KLF5: variants seen among roughly 807,000 people sequenced by gnomAD.
KLF5 encodes Krueppel-like factor 5.
A neutral mutation model predicts 36.9 loss-of-function variants in KLF5; 9 were observed. That is an observed-to-expected ratio of 0.24 (90% CI 0.15 to 0.43). The LOEUF is 0.43. Ranked by LOEUF, KLF5 falls within the 20% of genes least tolerant of loss-of-function variation. The pLI is 1.00. For synonymous variants in KLF5, 246 were observed against 241.7 expected (o/e 1.02, Z -0.17); for missense variants, 524 against 599.5 (o/e 0.87, Z 1.31).
chr13:73,063,809 T>TC lies in KLF5; in HGVS notation c.1136-14dup, dbSNP rs762157745. The TC allele has an allele frequency of 2.8e-5, 44 of 1,573,906 alleles. No individual in the cohort carries two copies. Among genetic ancestry groups the TC allele is most frequent in the Non-Finnish European group, 3.7e-5 (42 of 1,144,382 alleles). ...AAGGATCTCCAAAATGACATGCTGT[T>TC]CTCCTTTATTTTAGGTTGCACAAAA... On this transcript the variant is annotated splice_polypyrimidine_tract_variant and intron_variant, in intron 2 of 3. Transcript: ENST00000377687.
At chr13:73,074,216 T>C (rs374693466) in intron 3 of KLF5, among the ~76,000 whole-genome samples, 1 of 152,192 alleles carries the variant, frequency 6.6e-6, no homozygotes, top group Non-Finnish European at 1.5e-5. Context: ...CCACAAATTG[T>C]AGAAATCTCA....
At chr13:73,061,418 T>TA (rs140948873) in intron 1 of KLF5, among the ~76,000 whole-genome samples, 157 of 152,180 alleles carry the variant, frequency 1.0e-3, no homozygotes, top group African/African-American at 3.2e-3. Flanking sequence ...TTTTTTCTAT[T>TA]AAAAAAAACC....
rs574689838 is a variant in KLF5 at position 73,075,818 on chromosome 13, G to A, written c.1306G>A (p.Gly436Arg). 19 of 1,612,578 alleles carry A rather than the reference G, an allele frequency of 1.2e-5. No individual in the cohort carries two copies. The highest frequency in any genetic ancestry group is 8.0e-5 in the African/African-American group (6 of 74,998). ...CACAGGCGCCAAGCCCTTCCAGTGC[G>A]GGGTGTGCAACCGCAGCTTCTCGCG... ...KHTGAKPFQCGVCNRSFSRSD... is the reference protein window; with the variant it reads ...KHTGAKPFQCRVCNRSFSRSD... Residue 436 changes from glycine (G) to arginine (R), a missense_variant, in exon 4 of 4, where the codon GGG (glycine) becomes AGG (arginine). By Grantham distance (125) the Gly-to-Arg change is moderately radical (BLOSUM62 -2). This residue lies in a region of KLF5 where 20 missense variants were observed against 16.1 expected (regional missense o/e 1.24). Transcript: ENST00000377687.
intron 3 of KLF5, among the ~76,000 whole-genome samples, chr13:73,068,508 A>G (rs1483935672): frequency 6.6e-6 from 1 of 152,044 alleles, no homozygotes; most frequent in Non-Finnish European, 1.5e-5. Context: ...GTTCGAGACC[A>G]GCCTGGCCAA....
At chr13:73,065,156 G>GGGTT (rs2044670305) in intron 3 of KLF5, among the ~76,000 whole-genome samples, 1 of 152,158 alleles carries the variant, frequency 6.6e-6, no homozygotes, top group Non-Finnish European at 1.5e-5. Context: ...TCCTTTGAAT[G>GGGTT]GGTTGTTGGA....
At chr13:73,062,930 T>C (rs932334283) in intron 2 of KLF5, among the ~76,000 whole-genome samples, 196 bp downstream of exon 2, 1 of 152,082 alleles carries the variant, frequency 6.6e-6, no homozygotes, top group Non-Finnish European at 1.5e-5. Context: ...GTGCTTTAAC[T>C]TTGGTATGTA....
Position 73,069,071 on chromosome 13 carries a change from G to A in KLF5, c.1195+5188G>A, listed in dbSNP as rs144716765. On this transcript the variant is annotated intron_variant, in intron 3 of 3. Transcript: ENST00000377687. ...AGATCATGCCACCACACTCCAGCCCGGACAACAGAGCAAGACTCCATCTGA... is the reference window on the plus strand; with the variant it reads ...AGATCATGCCACCACACTCCAGCCCAGACAACAGAGCAAGACTCCATCTGA... Among the ~76,000 whole-genome samples the A allele has an allele frequency of 6.0e-3, 914 of 151,998 alleles. 7 individuals carry two copies. The highest frequency in any genetic ancestry group is 0.021 in the African/African-American group (881 of 41,444).
chr13:73,069,631 G>A (rs2044708244), intron 3 of KLF5, among the ~76,000 whole-genome samples: 1 of 152,064 alleles, frequency 6.6e-6, no homozygotes, highest in Non-Finnish European at 1.5e-5. Context: ...GAGCATGAAA[G>A]CTTAGAAGCA....
chr13:73,068,992 A>T (rs2139113306), intron 3 of KLF5, among the ~76,000 whole-genome samples: 1 of 152,246 alleles, frequency 6.6e-6, no homozygotes, highest in Admixed American at 6.5e-5. Context: ...GCTACTTGGG[A>T]GCCTGATGCA....
intron 3 of KLF5, among the ~76,000 whole-genome samples, chr13:73,069,692 GTTCT>G (rs2044708828): frequency 6.6e-6 from 1 of 152,040 alleles, no homozygotes; most frequent in African/African-American, 2.4e-5. Context: ...TCTAGGACTT[GTTCT>G]TTCTTCTGAG....
chr13:73,063,820 T>G lies in KLF5; in HGVS notation c.1136-4T>G, dbSNP rs772660580. 1 of 1,594,176 alleles carries G rather than the reference T, an allele frequency of 6.3e-7. No individual in the cohort carries two copies. Among genetic ancestry groups the G allele is most frequent in the East Asian group, 2.2e-5 (1 of 44,726 alleles). ...AAATGACATGCTGTTCTCCTTTATT[T>G]TAGGTTGCACAAAAGTTTATACCAA... On this transcript the variant is annotated splice_polypyrimidine_tract_variant and splice_region_variant and intron_variant, in intron 2 of 3. Transcript: ENST00000377687.
At chr13:73,069,765 G>A (rs2044709256) in intron 3 of KLF5, among the ~76,000 whole-genome samples, 2 of 152,152 alleles carry the variant, frequency 1.3e-5, no homozygotes, top group South Asian at 2.1e-4. Context: ...CTTATCAAAA[G>A]TTAAGTATAA....
At chr13:73,072,415 G>A (rs2044728623) in intron 3 of KLF5, among the ~76,000 whole-genome samples, 1 of 152,208 alleles carries the variant, frequency 6.6e-6, no homozygotes, top group Non-Finnish European at 1.5e-5. Flanking sequence ...GCACTGCCAG[G>A]TTGTGCTCTC....
chr13:73,075,940 C>A lies in KLF5; in HGVS notation c.*54C>A. On this transcript the variant is annotated 3_prime_UTR_variant, in exon 4 of 4. Transcript: ENST00000377687. Reference sequence around the variant, plus strand: ...CCCTGGGCTCCCTCAAATGACAGACCTAACTATTCCTGTGTAAAAACAACA... The same window carrying A: ...CCCTGGGCTCCCTCAAATGACAGACATAACTATTCCTGTGTAAAAACAACA... 3 of 1,358,906 alleles carry A rather than the reference C, an allele frequency of 2.2e-6. No homozygotes were observed. Among genetic ancestry groups the A allele is most frequent in the Non-Finnish European group, 2.9e-6 (3 of 1,025,764 alleles). 84.2% of individuals were successfully genotyped at this position (1,358,906 alleles called of 1,614,324 possible).
At chr13:73,066,444 G>A (rs552781630) in intron 3 of KLF5, among the ~76,000 whole-genome samples, 2 of 151,768 alleles carry the variant, frequency 1.3e-5, no homozygotes, top group Admixed American at 1.3e-4. Flanking sequence ...CTCTCGGACC[G>A]TTGATCAGAG....
At chr13:73,066,121 A>C (rs974301148) in intron 3 of KLF5, among the ~76,000 whole-genome samples, 1 of 152,188 alleles carries the variant, frequency 6.6e-6, no homozygotes, top group Non-Finnish European at 1.5e-5. Context: ...ATAGTCTTTC[A>C]AATGCCTTGG....
intron 1 of KLF5, chr13:73,059,799 G>T: frequency 3.6e-6 from 3 of 826,888 alleles, no homozygotes; most frequent in Non-Finnish European, 4.4e-6. Flanking sequence ...GGGGTGGGAA[G>T]GATGGAGGGG....
In KLF5 at chr13:73,059,359, G is replaced by A. The variant is rs1280462267; in HGVS notation, c.32G>A (p.Arg11His). 4.9e-6 allele frequency: 7 copies of A among 1,419,268 alleles called. No homozygotes were observed. The highest frequency in any genetic ancestry group is 6.4e-6 in the Non-Finnish European group (7 of 1,087,558). 87.9% of individuals were successfully genotyped at this position (1,419,268 alleles called of 1,614,324 possible). Residue 11 changes from arginine to histidine, a missense_variant, in exon 1 of 4, where the codon CGC becomes CAC. This residue lies in a region of KLF5 where 454 missense variants were observed against 458.1 expected (regional missense o/e 0.99). Transcript: ENST00000377687. ...ACAAGGGTGCTGAGCATGAGCGCCC[G>A]CCTGGGACCCGTGCCCCAGCCGCCG... MATRVLSMSA[R>H]LGPVPQPPAP...
chr13:73,060,522 G>T (rs1449009367), intron 1 of KLF5: 2 of 152,242 alleles, frequency 1.3e-5, no homozygotes, highest in East Asian at 3.9e-4. Context: ...TTGCTACCCA[G>T]CGCCTACTCC....
Sources: allele counts gnomAD v4.1 joint callset (sites outside exome capture counted in the v4.1 genomes callset), GRCh38; gene constraint gnomAD v4.1.1; regional missense constraint gnomAD v4.1.1; transcripts MANE v1.5; gene names NCBI Gene and HGNC (gene_info 2026-07-23, HGNC 2026-07-21).